The following CSF2RA variants were observed in gnomAD, a reference collection of about 807,000 sequenced individuals.
CSF2RA encodes the protein colony stimulating factor 2 receptor subunit alpha.
In CSF2RA, 42 loss-of-function variants were observed where a neutral mutation model predicts 51.6. The observed-to-expected ratio is 0.81, with a 90% CI of 0.64 to 1.05. The LOEUF (loss-of-function observed/expected upper bound fraction) is 1.05, where lower values mean the gene tolerates loss of function less well. CSF2RA is among the 50% of genes least tolerant of loss of function. The probability of loss-of-function intolerance (pLI) is 0.00; values close to 1 mark genes in which losing one functional copy is unlikely to be tolerated. For missense variants in CSF2RA, 530 were observed against 501.1 expected (o/e 1.06, Z -0.55); for synonymous variants, 222 against 193.0 (o/e 1.15, Z -1.24).
chrX:1,322,273 T>C, the CSF2RA span, among the ~76,000 whole-genome samples: 2 of 24,234 alleles, frequency 8.3e-5, no homozygotes, highest in Non-Finnish European at 2.3e-4. Context: ...ACCCGGCTAT[T>C]TTTTTTTTTT....
rs780785359 is a variant in CSF2RA at position 1,283,123 on chromosome X, G to C, written c.76+344G>C. 2.2e-3 allele frequency among the ~76,000 whole-genome samples: 205 copies of C among 94,724 alleles called. 1 individual carries two copies. Among genetic ancestry groups the C allele is most frequent in the African/African-American group, 4.2e-3 (121 of 28,638 alleles). 62.1% of individuals were successfully genotyped at this position (94,724 alleles called of 152,430 possible). A position where few individuals can be genotyped will look rare whatever the true frequency, so the allele number is the denominator to read the frequency against. ...CCTTCCTTCGTTCCTTCGTTCCTTC[G>C]TTCCTTCCTTCCTTCCTTCCTTCCT... On this transcript the variant is annotated intron_variant, in intron 3 of 12. Transcript: ENST00000381529.
intron 3 of CSF2RA, 143 bp from the exon 4 acceptor site, chrX:1,285,630 GCTTGC>G: frequency 4.6e-5 from 2 of 43,600 alleles, no homozygotes; most frequent in African/African-American, 6.3e-3. Flanking sequence ...GGGTGGTGGA[GCTTGC>G]AGCTTGCAGT....
In CSF2RA at chrX:1,278,415, A is replaced by G. The variant is rs148364280; in HGVS notation, c.-27+3597A>G. On this transcript the variant is annotated intron_variant, in intron 2 of 12. Transcript: ENST00000381529. ...ACTAGCTACTCCAGAGGCCAGGTGCAGTGGCTCATGCCTATAATCCCAGCA... is the reference window on the plus strand; with the variant it reads ...ACTAGCTACTCCAGAGGCCAGGTGCGGTGGCTCATGCCTATAATCCCAGCA... Among the ~76,000 whole-genome samples the G allele has an allele frequency of 1.2e-3, 184 of 150,190 alleles. 3 individuals carry two copies. The East Asian group carries it at 0.029, about 24-fold the overall frequency.
chrX:1,304,286 G>T (rs1234965704), intron 11 of CSF2RA, among the ~76,000 whole-genome samples: 1 of 87,440 alleles, frequency 1.1e-5, no homozygotes, highest in Non-Finnish European at 2.1e-5. Flanking sequence ...TGTAGTCCCA[G>T]CTACTCGGGA....
chrX:1,297,791 T>G (rs1220152998), intron 9 of CSF2RA, among the ~76,000 whole-genome samples: 1 of 126,020 alleles, frequency 7.9e-6, no homozygotes, highest in Admixed American at 8.7e-5. Context: ...GGTGGAACCC[T>G]ACAGTCCCCT....
intron 2 of CSF2RA, among the ~76,000 whole-genome samples, chrX:1,278,696 A>G (rs1220400551): frequency 7.3e-6 from 1 of 136,578 alleles, no homozygotes; most frequent in African/African-American, 2.6e-5. Flanking sequence ...AAAAAAAAAA[A>G]AATTCAGGGC....
intron 9 of CSF2RA, among the ~76,000 whole-genome samples, chrX:1,296,343 C>G (rs77239789): frequency 0.041 from 4,867 of 119,330 alleles, 97 homozygotes; most frequent in Non-Finnish European, 0.067. Context: ...CCCATGACCC[C>G]TGGCGGAACC....
chrX:1,321,880 C>T, the CSF2RA span, among the ~76,000 whole-genome samples: 8 of 151,986 alleles, frequency 5.3e-5, no homozygotes, highest in African/African-American at 1.9e-4. Context: ...CTGTAAATTG[C>T]ATCACTTTGG....
At chrX:1,321,252 G>A in the CSF2RA span, among the ~76,000 whole-genome samples, 4 of 152,102 alleles carry the variant, frequency 2.6e-5, no homozygotes, top group African/African-American at 7.2e-5. Flanking sequence ...GGTGGATCAC[G>A]AGGTCAGGAG....
At chrX:1,285,683 C>G (rs1387946175) in intron 3 of CSF2RA, 95 bp from the exon 4 acceptor site, 13 of 1,382,390 alleles carry the variant, frequency 9.4e-6, no homozygotes, top group Non-Finnish European at 1.3e-5. Flanking sequence ...GCCTGGGAGA[C>G]AAAGCCAGAC....
intron 10 of CSF2RA, 75 bp from the exon 11 acceptor site, chrX:1,303,848 A>C: frequency 8.0e-7 from 1 of 1,247,198 alleles, no homozygotes; most frequent in Non-Finnish European, 1.2e-6. Flanking sequence ...GCATTTGGAC[A>C]CCCGAAGAGA....
chrX:1,323,756 T>C, the CSF2RA span, among the ~76,000 whole-genome samples: 1 of 151,990 alleles, frequency 6.6e-6, no homozygotes, highest in Non-Finnish European at 1.5e-5. Flanking sequence ...GGCTCACGCC[T>C]GTAATCCCAG....
At chrX:1,297,659 G>A (rs2092054505) in intron 9 of CSF2RA, among the ~76,000 whole-genome samples, 1 of 50,690 alleles carries the variant, frequency 2.0e-5, no homozygotes, top group Non-Finnish European at 3.9e-5. Flanking sequence ...GACCCCTGGA[G>A]TAACCCTACA....
chrX:1,300,585 G>T lies in CSF2RA; in HGVS notation c.905G>T (p.Arg302Leu). ...GTGAAGATCAGAGCTGCAGACGTCC[G>T]CATCTTGAATTGGAGCTCCTGGAGT... ...HSVKIRAADV[R>L]ILNWSSWSEA... Residue 302 changes from arginine (R) to leucine (L), a missense_variant, in exon 10 of 13, where the codon CGC (arginine) becomes CTC (leucine). Transcript: ENST00000381529. 6.2e-7 allele frequency: 1 copy of T among 1,613,894 alleles called. No individual in the cohort carries two copies. The highest frequency in any genetic ancestry group is 1.1e-5 in the South Asian group (1 of 91,068).
At chrX:1,302,223 C>G (rs1214163600) in intron 10 of CSF2RA, among the ~76,000 whole-genome samples, 1 of 152,060 alleles carries the variant, frequency 6.6e-6, no homozygotes, top group Admixed American at 6.6e-5. Context: ...TCCGGGGAAG[C>G]TCTCTTCAAA....
rs1443261894 is a variant in CSF2RA, at chrX:1,287,760, G to A, written c.220-759G>A. 1.6e-5 allele frequency among the ~76,000 whole-genome samples: 2 copies of A among 122,276 alleles called. 1 individual carries two copies. The highest frequency in any genetic ancestry group is 6.4e-5 in the African/African-American group (2 of 31,264). The allele number at this position is 122,276 out of a possible 152,430, so 80.2% of individuals were successfully genotyped here. A position where few individuals can be genotyped will look rare whatever the true frequency, so the allele number is the denominator to read the frequency against. On this transcript the variant is annotated intron_variant, in intron 4 of 12. Coordinates refer to ENST00000381529, the MANE Select transcript of CSF2RA (RefSeq NM_172245.4). ...TGTCCGACCCTTTTTTTGGGGGGAT[G>A]GAGTCTCTGTCTGTCACCCAGGCTG...
downstream of CSF2RA, among the ~76,000 whole-genome samples, chrX:1,314,325 C>T (rs1441351562): frequency 6.8e-5 from 9 of 133,104 alleles, no homozygotes; most frequent in African/African-American, 2.0e-4. Flanking sequence ...AACCACACTG[C>T]ACCTGCCCAA....
chrX:1,294,530 G>A, intron 8 of CSF2RA, 69 bp downstream of exon 8: 1 of 1,599,768 alleles, frequency 6.3e-7, no homozygotes, highest in African/African-American at 1.3e-5. Flanking sequence ...ACAGGAGCCT[G>A]GGAATCCCGG....
chrX:1,305,341 G>A, intron 11 of CSF2RA, 105 bp from the exon 12 acceptor site: 1 of 1,265,100 alleles, frequency 7.9e-7, no homozygotes, highest in Non-Finnish European at 1.2e-6. Flanking sequence ...TTGCATAGTT[G>A]AGCGCAGACA....
Sources: gnomAD v4.1 joint callset for allele counts (sites outside exome capture counted in the v4.1 genomes callset) on GRCh38, gnomAD v4.1.1 for gene constraint, MANE v1.5 for transcripts, NCBI Gene and HGNC (gene_info 2026-07-23, HGNC 2026-07-21) for gene names.